FALEC: variants seen among roughly 807,000 people sequenced by gnomAD.
FALEC encodes the protein focally amplified lncRNA regulator of ECM1.
At chr1:150,519,852 C>A (rs182984409), downstream of FALEC, among the ~76,000 whole-genome samples, 10 of 148,118 alleles carry the variant, frequency 6.8e-5, no homozygotes, top group East Asian at 1.8e-3. Flanking sequence ...AACTCTGTCT[C>A]AAAAAATAAT....
downstream of FALEC, among the ~76,000 whole-genome samples, chr1:150,519,335 T>C (rs587680807): frequency 6.6e-6 from 1 of 152,334 alleles, no homozygotes; most frequent in East Asian, 1.9e-4. Context: ...TAAACAGCTT[T>C]ATTGGATATA....
downstream of FALEC, among the ~76,000 whole-genome samples, chr1:150,521,822 T>A (rs1239778060): frequency 6.6e-6 from 1 of 152,212 alleles, no homozygotes; most frequent in Non-Finnish European, 1.5e-5. Flanking sequence ...TAGCTTTATA[T>A]TAAAGTTTGA....
chr1:150,520,086 T>A (rs1269405414), downstream of FALEC, among the ~76,000 whole-genome samples: 1 of 151,574 alleles, frequency 6.6e-6, no homozygotes, highest in African/African-American at 2.4e-5. Flanking sequence ...GAGGTGGAGG[T>A]TGTCATGAGC....
chr1:150,528,294 G>A, the FALEC span, among the ~76,000 whole-genome samples: 1 of 152,174 alleles, frequency 6.6e-6, no homozygotes, highest in Non-Finnish European at 1.5e-5. Context: ...AAATTGCAAA[G>A]ATGTCAACTC....
chr1:150,534,564 C>G, the FALEC span, among the ~76,000 whole-genome samples: 1 of 152,150 alleles, frequency 6.6e-6, no homozygotes, highest in African/African-American at 2.4e-5. Flanking sequence ...TGCTCTCTAG[C>G]CTGGCACAGT....
At chr1:150,526,471 G>A in the FALEC span, among the ~76,000 whole-genome samples, 8,703 of 151,882 alleles carry the variant, frequency 0.057, 408 homozygotes, top group Non-Finnish European at 0.091. Flanking sequence ...GTTGCTGGGA[G>A]TACATGCTTG....
At chr1:150,522,973 ATATATATATATT>A (rs1486267816), downstream of FALEC, among the ~76,000 whole-genome samples, 4 of 30,686 alleles carry the variant, frequency 1.3e-4, no homozygotes, top group Non-Finnish European at 2.5e-4. Flanking sequence ...ATATATATAT[ATATATATATATT>A]TTTTTTTTTT....
downstream of FALEC, among the ~76,000 whole-genome samples, chr1:150,522,980 TA>T (rs1254104321): frequency 9.0e-3 from 438 of 48,536 alleles, 82 homozygotes; most frequent in Non-Finnish European, 0.013. Context: ...TATATATATA[TA>T]TATTTTTTTT....
At chr1:150,518,445 C>T (rs892793666), downstream of FALEC, among the ~76,000 whole-genome samples, 2 of 150,568 alleles carry the variant, frequency 1.3e-5, no homozygotes, top group Non-Finnish European at 2.9e-5. Flanking sequence ...AGTGCAATGG[C>T]GTGATCTCGG....
chr1:150,519,472 A>G (rs748529903), downstream of FALEC, among the ~76,000 whole-genome samples: 2 of 151,478 alleles, frequency 1.3e-5, no homozygotes, highest in Admixed American at 1.3e-4. Flanking sequence ...TGTAATCCCA[A>G]CACTTTGGGA....
chr1:150,522,061 A>G (rs907097815), downstream of FALEC, among the ~76,000 whole-genome samples: 1 of 151,886 alleles, frequency 6.6e-6, no homozygotes, highest in Admixed American at 6.6e-5. Flanking sequence ...CCTGGCCAAC[A>G]TGGTGAAACC....
chr1:150,523,126 T>C, the FALEC span, among the ~76,000 whole-genome samples: 10 of 144,246 alleles, frequency 6.9e-5, no homozygotes, highest in Admixed American at 4.9e-4. Flanking sequence ...TAGCTGGGAC[T>C]ACAGGCATGC....
downstream of FALEC, among the ~76,000 whole-genome samples, chr1:150,522,128 TC>T (rs1670651230): frequency 6.6e-6 from 1 of 151,458 alleles, no homozygotes; most frequent in Non-Finnish European, 1.5e-5. Context: ...GTGCCTGTAA[TC>T]CCAGCTACTC....
chr1:150,530,975 G>A, the FALEC span, among the ~76,000 whole-genome samples: 1 of 152,110 alleles, frequency 6.6e-6, no homozygotes, highest in Non-Finnish European at 1.5e-5. Flanking sequence ...CAGCCTCTGG[G>A]GACAGGCCTG....
the FALEC span, among the ~76,000 whole-genome samples, chr1:150,524,995 G>GAA: frequency 0.022 from 2,139 of 98,248 alleles, 83 homozygotes; most frequent in African/African-American, 0.079. Context: ...ACCCTGTCTT[G>GAA]AAAAAAAAAA....
downstream of FALEC, among the ~76,000 whole-genome samples, chr1:150,522,536 T>C (rs759470000): frequency 5.5e-4 from 83 of 150,206 alleles, 1 homozygote; most frequent in Non-Finnish European, 9.9e-4. Context: ...GGCAGGAGAA[T>C]CGCTTGAACC....
downstream of FALEC, among the ~76,000 whole-genome samples, chr1:150,519,454 C>T (rs969565346): frequency 6.6e-6 from 1 of 152,188 alleles, no homozygotes; most frequent in African/African-American, 2.4e-5. Context: ...AGGGCGGTGG[C>T]TCATGCCTGT....
the FALEC span, among the ~76,000 whole-genome samples, chr1:150,530,068 G>A: frequency 6.6e-6 from 1 of 152,146 alleles, no homozygotes; most frequent in Non-Finnish European, 1.5e-5. Context: ...TGACTGATGG[G>A]CAGTTACATC....
chr1:150,521,200 T>C (rs1670638093), downstream of FALEC, among the ~76,000 whole-genome samples: 1 of 152,358 alleles, frequency 6.6e-6, no homozygotes, highest in East Asian at 1.9e-4. Context: ...ATTTCAAATA[T>C]GCTATTATAA....
Sources: allele counts gnomAD v4.1 joint callset (sites outside exome capture counted in the v4.1 genomes callset), GRCh38; gene constraint gnomAD v4.1.1; transcripts MANE v1.5; gene names NCBI Gene and HGNC (gene_info 2026-07-23, HGNC 2026-07-21).